Variants in RPS6KC1 observed in about 807,000 individuals in gnomAD.
RPS6KC1 encodes ribosomal protein S6 kinase C1, also known as inactive ribosomal protein S6 kinase delta-1.
A neutral mutation model predicts 103.8 loss-of-function variants in RPS6KC1; 54 were observed. The ratio of observed to expected loss-of-function variants is 0.52; its 90% CI spans 0.42 to 0.65. RPS6KC1 has a LOEUF of 0.65. Ranked by LOEUF, RPS6KC1 falls within the 30% of genes least tolerant of loss-of-function variation. RPS6KC1 has a pLI of 0.00. For synonymous variants in RPS6KC1, 439 were observed against 438.7 expected, an observed-to-expected ratio of 1.00 and a Z score of -0.01; for missense variants, 1,151 against 1,253.8, an observed-to-expected ratio of 0.92 and a Z score of 1.24.
At chr1:213,389,454 C>T in the RPS6KC1 span, among the ~76,000 whole-genome samples, 20 of 152,214 alleles carry the variant, frequency 1.3e-4, no homozygotes, top group Non-Finnish European at 2.5e-4. Context: ...TGCGGGCTTG[C>T]GGCGGATTTA....
At chr1:213,462,541 TG>T in the RPS6KC1 span, among the ~76,000 whole-genome samples, 1 of 152,204 alleles carries the variant, frequency 6.6e-6, no homozygotes, top group African/African-American at 2.4e-5. Context: ...AAAGAAAATG[TG>T]GCACATATAT....
chr1:213,829,617 C>G, the RPS6KC1 span, among the ~76,000 whole-genome samples: 1 of 152,068 alleles, frequency 6.6e-6, no homozygotes, highest in East Asian at 1.9e-4. Context: ...GGGGAAAGCA[C>G]GAACCAAGAC....
chr1:213,573,489 A>G, the RPS6KC1 span, among the ~76,000 whole-genome samples: 2 of 152,218 alleles, frequency 1.3e-5, no homozygotes, highest in African/African-American at 4.8e-5. Flanking sequence ...TCATGTTATA[A>G]GTCACATGTG....
the RPS6KC1 span, among the ~76,000 whole-genome samples, chr1:213,627,186 C>T: frequency 6.6e-6 from 1 of 152,146 alleles, no homozygotes; most frequent in African/African-American, 2.4e-5. Context: ...CTCTTTGAAG[C>T]AGTTGTGAAT....
the RPS6KC1 span, among the ~76,000 whole-genome samples, chr1:213,591,923 G>C: frequency 6.6e-6 from 1 of 152,164 alleles, no homozygotes. Flanking sequence ...CTTGGGATGT[G>C]TCTGCCCCAG....
the RPS6KC1 span, among the ~76,000 whole-genome samples, chr1:213,381,030 C>G: frequency 1.3e-5 from 2 of 152,152 alleles, no homozygotes; most frequent in African/African-American, 4.8e-5. Context: ...ACTCGTAGAG[C>G]TTGGGAAGTG....
chr1:213,162,505 A>T (rs115672244), intron 6 of RPS6KC1, among the ~76,000 whole-genome samples: 1,704 of 151,882 alleles, frequency 0.011, 38 homozygotes, highest in African/African-American at 0.037. Flanking sequence ...CTGGTCTCAA[A>T]CTCCTGGGCT....
Position 213,261,545 on chromosome 1 carries a change from T to C in RPS6KC1, c.2912-13T>C, listed in dbSNP as rs371947867. On this transcript the variant is annotated splice_polypyrimidine_tract_variant and intron_variant, in intron 12 of 14. Transcript: ENST00000366960. ...TTTGGAATTTTAATATCAACCTTTT[T>C]TGGTGTGGTTAGAGGTTGGAGCAAT... The C allele has an allele frequency of 9.9e-6, 16 of 1,611,624 alleles. No individual in the cohort carries two copies. Among genetic ancestry groups the C allele is most frequent in the Admixed American group, 6.7e-5 (4 of 59,906 alleles).
chr1:213,067,905 G>T (rs994807140), intron 1 of RPS6KC1, among the ~76,000 whole-genome samples: 2 of 152,200 alleles, frequency 1.3e-5, no homozygotes, highest in African/African-American at 4.8e-5. Context: ...TGGCTCATCT[G>T]AAGAAAACCA....
the RPS6KC1 span, among the ~76,000 whole-genome samples, chr1:213,348,331 A>G: frequency 2.6e-5 from 4 of 152,220 alleles, no homozygotes; most frequent in Non-Finnish European, 5.9e-5. Flanking sequence ...AAACTGTCCA[A>G]TTCTTCTTAT....
chr1:213,067,852 GT>G (rs1306916745), intron 1 of RPS6KC1, among the ~76,000 whole-genome samples: 1 of 152,172 alleles, frequency 6.6e-6, no homozygotes, highest in Admixed American at 6.5e-5. Flanking sequence ...GATGGCTAAT[GT>G]GTTTTTGTTT....
At chr1:213,766,428 C>A in the RPS6KC1 span, among the ~76,000 whole-genome samples, 1 of 152,186 alleles carries the variant, frequency 6.6e-6, no homozygotes, top group South Asian at 2.1e-4. Flanking sequence ...TAAGACTTAC[C>A]CATGCAACAC....
chr1:213,793,134 G>GAA, the RPS6KC1 span, among the ~76,000 whole-genome samples: 1 of 152,136 alleles, frequency 6.6e-6, no homozygotes, highest in Non-Finnish European at 1.5e-5. Context: ...GGAATTACAG[G>GAA]TTCGGTCGTG....
At chr1:213,146,539 A>G (rs935053921) in intron 6 of RPS6KC1, among the ~76,000 whole-genome samples, 7 of 150,854 alleles carry the variant, frequency 4.6e-5, no homozygotes, top group African/African-American at 1.7e-4. Context: ...TCTCCTGCTC[A>G]TCCTCCTGAG....
intron 4 of RPS6KC1, among the ~76,000 whole-genome samples, chr1:213,116,086 G>A (rs966533442): frequency 1.1e-4 from 17 of 151,930 alleles, no homozygotes; most frequent in Non-Finnish European, 2.4e-4. Context: ...GTGCAGAGCT[G>A]AGTTCAATTC....
At chr1:213,337,817 C>T in the RPS6KC1 span, among the ~76,000 whole-genome samples, 1 of 152,076 alleles carries the variant, frequency 6.6e-6, no homozygotes, top group Non-Finnish European at 1.5e-5. Flanking sequence ...AAGTCATTGC[C>T]CTCGTGCAGC....
chr1:213,489,995 T>C, the RPS6KC1 span, among the ~76,000 whole-genome samples: 19 of 152,024 alleles, frequency 1.2e-4, no homozygotes, highest in Non-Finnish European at 2.6e-4. Context: ...ATTTCCAGGA[T>C]AAGAGTTCTG....
intron 12 of RPS6KC1, among the ~76,000 whole-genome samples, chr1:213,252,928 T>C (rs1478795709): frequency 6.6e-6 from 1 of 152,220 alleles, no homozygotes; most frequent in Non-Finnish European, 1.5e-5. Flanking sequence ...ATAAACACTT[T>C]ATTTACAATG....
rs1267062629 is a variant in RPS6KC1 at position 213,051,351 on chromosome 1, GGGTTTCCCTCATGATCCC to G, written c.-51_-34del. ...GGGGAACCTGGACCGCGGCGGCGCC[GGGTTTCCCTCATGATCCC>G]GGGCGGGTGGCGGCGGCGGCAGAGG... On this transcript the variant is annotated 5_prime_UTR_variant, in exon 1 of 15. An upstream start codon of the reference 5' UTR is lost. Coordinates refer to ENST00000366960, the MANE Select transcript of RPS6KC1 (RefSeq NM_012424.6). 2.8e-6 allele frequency: 4 copies of G among 1,422,398 alleles called. No homozygotes were observed. In the African/African-American group the frequency reaches 5.6e-5, roughly 20 times the overall value. The allele number at this position is 1,422,398 out of a possible 1,614,324, so 88.1% of individuals were successfully genotyped here. A position where few individuals can be genotyped will look rare whatever the true frequency, so the allele number is the denominator to read the frequency against.
Sources: allele counts gnomAD v4.1 joint callset (sites outside exome capture counted in the v4.1 genomes callset), GRCh38; gene constraint gnomAD v4.1.1; transcripts MANE v1.5; gene names NCBI Gene and HGNC (gene_info 2026-07-23, HGNC 2026-07-21).